SRGN: variants seen among roughly 807,000 people sequenced by gnomAD.
The protein encoded by SRGN is serglycin.
In SRGN, 2 loss-of-function variants were observed where a neutral mutation model predicts 9.5. The ratio of observed to expected loss-of-function variants is 0.21; its 90% CI spans 0.09 to 0.66. SRGN has a LOEUF of 0.66. Ranked by LOEUF, SRGN falls within the 30% of genes least tolerant of loss-of-function variation. The pLI is 0.83. For missense variants in SRGN, 170 were observed against 192.4 expected, an observed-to-expected ratio of 0.88 and a Z score of 0.69; for synonymous variants, 59 against 72.3, an observed-to-expected ratio of 0.82 and a Z score of 0.93.
At chr10:69,093,498 G>T (rs1156302500) in intron 1 of SRGN, among the ~76,000 whole-genome samples, 1 of 152,168 alleles carries the variant, frequency 6.6e-6, no homozygotes, top group African/African-American at 2.4e-5. Flanking sequence ...GAAGATGCTG[G>T]ATTTTTATTT....
At chr10:69,090,915 A>G (rs968169621) in intron 1 of SRGN, among the ~76,000 whole-genome samples, 2 of 152,126 alleles carry the variant, frequency 1.3e-5, no homozygotes, top group Admixed American at 6.5e-5. Flanking sequence ...CTCTTTTCCA[A>G]TGACACCCAT....
intron 1 of SRGN, 95 bp from the exon 2 acceptor site, chr10:69,096,989 G>C (rs1353640517): frequency 2.2e-6 from 3 of 1,352,416 alleles, no homozygotes; most frequent in South Asian, 3.1e-5. Flanking sequence ...CTGAGACCCT[G>C]TCTCGAAAAA....
chr10:69,089,175 T>G (rs1840001130), intron 1 of SRGN, among the ~76,000 whole-genome samples: 1 of 152,274 alleles, frequency 6.6e-6, no homozygotes, highest in African/African-American at 2.4e-5. Flanking sequence ...CCGGTGGAGA[T>G]GAAATCTTAC....
upstream of SRGN, chr10:69,087,972 T>G (rs753234821): frequency 3.5e-5 from 21 of 607,912 alleles, no homozygotes; most frequent in Non-Finnish European, 5.9e-5. Flanking sequence ...TTTACTGTGT[T>G]CCCCCCACCC....
In SRGN at chr10:69,088,185, C is replaced by T. The variant is rs752214340; in HGVS notation, c.28C>T (p.Arg10Trp). Residue 10 changes from arginine to tryptophan, a missense_variant, in exon 1 of 3, where the codon CGG becomes TGG. Transcript: ENST00000242465. MMQKLLKCS[R>W]LVLALALILV... ...GATGCAGAAGCTACTCAAATGCAGT[C>T]GGCTTGTCCTGGCTCTTGCCCTCAT... 22 of 1,614,038 alleles carry T rather than the reference C, an allele frequency of 1.4e-5. No individual in the cohort carries two copies. The highest frequency in any genetic ancestry group is 5.3e-5 in the African/African-American group (4 of 74,906).
At chr10:69,092,592 G>C (rs1425817961) in intron 1 of SRGN, among the ~76,000 whole-genome samples, 2 of 152,138 alleles carry the variant, frequency 1.3e-5, no homozygotes, top group Non-Finnish European at 2.9e-5. Flanking sequence ...TCAAGAGTTT[G>C]AGACTAGCCT....
chr10:69,093,732 T>C (rs990502175), intron 1 of SRGN, among the ~76,000 whole-genome samples: 1 of 152,112 alleles, frequency 6.6e-6, no homozygotes, highest in African/African-American at 2.4e-5. Flanking sequence ...CCGGGCATGG[T>C]GGCACGTGCC....
At chr10:69,095,307 CAAAA>C (rs59117562) in intron 1 of SRGN, among the ~76,000 whole-genome samples, 3 of 117,600 alleles carry the variant, frequency 2.6e-5, no homozygotes, top group Admixed American at 8.8e-5. Context: ...GACTTCATCT[CAAAA>C]AAAAAAAAAA....
chr10:69,097,722 T>C (rs370300416), intron 2 of SRGN, among the ~76,000 whole-genome samples: 83 of 152,182 alleles, frequency 5.5e-4, no homozygotes, highest in African/African-American at 1.6e-3. Flanking sequence ...CCACTGCGCC[T>C]GGCCTAATTT....
intron 2 of SRGN, among the ~76,000 whole-genome samples, chr10:69,097,526 A>C (rs1196439977): frequency 6.7e-6 from 1 of 148,896 alleles, no homozygotes; most frequent in Non-Finnish European, 1.5e-5. Context: ...TCCTGGGTTC[A>C]CGCCATTCTC....
At chr10:69,096,142 A>G (rs1840170147) in intron 1 of SRGN, among the ~76,000 whole-genome samples, 1 of 152,144 alleles carries the variant, frequency 6.6e-6, no homozygotes, top group Non-Finnish European at 1.5e-5. Flanking sequence ...ATGGCCCTAA[A>G]ACACAAGAAC....
intron 1 of SRGN, among the ~76,000 whole-genome samples, chr10:69,090,897 T>C (rs1840039072): frequency 6.6e-6 from 1 of 152,160 alleles, no homozygotes; most frequent in Non-Finnish European, 1.5e-5. Flanking sequence ...CTTCCACTTT[T>C]ATTGCCTCTC....
Position 69,104,227 on chromosome 10 carries a change from A to C in SRGN, c.*107A>C. The C allele has an allele frequency of 1.4e-6, 2 of 1,418,116 alleles. No homozygotes were observed. Among genetic ancestry groups the C allele is most frequent in the Non-Finnish European group, 1.9e-6 (2 of 1,056,890 alleles). 87.8% of individuals were successfully genotyped at this position (1,418,116 alleles called of 1,614,324 possible). A position where few individuals can be genotyped will look rare whatever the true frequency, so the allele number is the denominator to read the frequency against. On this transcript the variant is annotated 3_prime_UTR_variant, in exon 3 of 3. Coordinates refer to ENST00000242465, the MANE Select transcript of SRGN (RefSeq NM_002727.4). ...AAGAATTTTATAGAAATTTTTAAACATCTGAAAAAGAAGCTTAAGTTTTAT... is the reference window on the plus strand; with the variant it reads ...AAGAATTTTATAGAAATTTTTAAACCTCTGAAAAAGAAGCTTAAGTTTTAT...
Position 69,104,227 on chromosome 10 carries a change from A to T in SRGN, c.*107A>T. ...AAGAATTTTATAGAAATTTTTAAAC[A>T]TCTGAAAAAGAAGCTTAAGTTTTAT... On this transcript the variant is annotated 3_prime_UTR_variant, in exon 3 of 3. Coordinates refer to ENST00000242465, the MANE Select transcript of SRGN (RefSeq NM_002727.4). 1 of 1,418,116 alleles carries T rather than the reference A, an allele frequency of 7.1e-7. No individual in the cohort carries two copies. Among genetic ancestry groups the T allele is most frequent in the Non-Finnish European group, 9.5e-7 (1 of 1,056,890 alleles). 87.8% of individuals were successfully genotyped at this position (1,418,116 alleles called of 1,614,324 possible). A position where few individuals can be genotyped will look rare whatever the true frequency, so the allele number is the denominator to read the frequency against.
At chr10:69,094,446 G>GA (rs932163738) in intron 1 of SRGN, among the ~76,000 whole-genome samples, 3 of 151,892 alleles carry the variant, frequency 2.0e-5, no homozygotes, top group South Asian at 2.1e-4. Context: ...AACAAAATGA[G>GA]AAAAAAAATC....
chr10:69,091,644 C>G (rs1471879245), intron 1 of SRGN, among the ~76,000 whole-genome samples: 1 of 150,866 alleles, frequency 6.6e-6, no homozygotes, highest in East Asian at 1.9e-4. Flanking sequence ...TTTGGGAGAC[C>G]GAGGAGTGTG....
chr10:69,088,282 C>G (rs1839980673), intron 1 of SRGN, 46 bp downstream of exon 1: 1 of 1,488,134 alleles, frequency 6.7e-7, no homozygotes, highest in African/African-American at 1.4e-5. Context: ...TCTGTAAGCC[C>G]TGTGGTCCAT....
At chr10:69,096,181 A>G (rs551224499) in intron 1 of SRGN, among the ~76,000 whole-genome samples, 1 of 152,304 alleles carries the variant, frequency 6.6e-6, no homozygotes, top group East Asian at 1.9e-4. Context: ...CGGGTACTCC[A>G]CAGTGTGTTC....
chr10:69,090,574 A>T (rs917822891), intron 1 of SRGN, among the ~76,000 whole-genome samples: 1 of 152,134 alleles, frequency 6.6e-6, no homozygotes, highest in Non-Finnish European at 1.5e-5. Flanking sequence ...TCCGTGTCTT[A>T]ATACCATCTT....
Sources: gnomAD v4.1 joint callset for allele counts (sites outside exome capture counted in the v4.1 genomes callset) on GRCh38, gnomAD v4.1.1 for gene constraint, MANE v1.5 for transcripts, NCBI Gene and HGNC (gene_info 2026-07-23, HGNC 2026-07-21) for gene names.